Variants in GINS1 observed in about 807,000 individuals in gnomAD.
GINS1 encodes the protein GINS complex subunit 1.
A neutral mutation model predicts 34.9 loss-of-function variants in GINS1; 26 were observed. The observed-to-expected ratio is 0.74, with a 90% CI of 0.55 to 1.03. The LOEUF is 1.03. Ranked by LOEUF, GINS1 falls within the 50% of genes least tolerant of loss-of-function variation. GINS1 has a pLI of 0.00. For missense variants in GINS1, 235 were observed against 237.9 expected, an observed-to-expected ratio of 0.99 and a Z score of 0.08; for synonymous variants, 97 against 84.4, an observed-to-expected ratio of 1.15 and a Z score of -0.82.
intron 5 of GINS1, among the ~76,000 whole-genome samples, chr20:25,429,623 G>A (rs6115182): frequency 0.54 from 82,190 of 151,872 alleles, 22,805 homozygotes; most frequent in Admixed American, 0.61. Context: ...CAGATTGTTC[G>A]TTGTTAGTGT....
rs371320385 is a variant in GINS1 at position 25,408,478 on chromosome 20, ATAT to A, written c.75+587_75+589del. On this transcript the variant is annotated intron_variant, in intron 1 of 6. Transcript: ENST00000262460. ...TCTCCTGCTGCTGCTGTTACTATTA[ATAT>A]TATGATTATTTGTATTTTTCTATCA... 6.9e-3 allele frequency among the ~76,000 whole-genome samples: 1,054 copies of A among 152,262 alleles called. 4 individuals carry two copies. The highest frequency in any genetic ancestry group is 0.02 in the Middle Eastern group (6 of 294).
intron 5 of GINS1, among the ~76,000 whole-genome samples, chr20:25,427,594 T>C (rs2090398726): frequency 6.6e-6 from 1 of 152,224 alleles, no homozygotes; most frequent in African/African-American, 2.4e-5. Context: ...TTATTAGCTA[T>C]TCCTGTGTCT....
chr20:25,417,835 CAA>C (rs1009125578), intron 3 of GINS1, among the ~76,000 whole-genome samples: 4 of 152,008 alleles, frequency 2.6e-5, no homozygotes, highest in Non-Finnish European at 4.4e-5. Flanking sequence ...GGCTGGGTGA[CAA>C]GAGCAAAACT....
At chr20:25,432,870 TTATATAATAACATTATATATTAATA>T in intron 5 of GINS1, among the ~76,000 whole-genome samples, 1 of 148,476 alleles carries the variant, frequency 6.7e-6, no homozygotes, top group Non-Finnish European at 1.5e-5. Context: ...ATATATTAAC[TTATATAATAACATTATATATTAATA>T]TATATTCTAT....
At chr20:25,428,012 C>T (rs1425812802) in intron 5 of GINS1, among the ~76,000 whole-genome samples, 2 of 151,638 alleles carry the variant, frequency 1.3e-5, no homozygotes, top group Non-Finnish European at 2.9e-5. Flanking sequence ...GCTGGGATTA[C>T]AGGCATGCAC....
chr20:25,430,349 G>A (rs974069986), intron 5 of GINS1, among the ~76,000 whole-genome samples: 3 of 152,044 alleles, frequency 2.0e-5, no homozygotes, highest in Non-Finnish European at 4.4e-5. Flanking sequence ...TTTGTCAAAC[G>A]CTTTTTCTGT....
intron 5 of GINS1, among the ~76,000 whole-genome samples, chr20:25,429,430 A>G (rs977355616): frequency 1.3e-5 from 2 of 152,220 alleles, no homozygotes; most frequent in Non-Finnish European, 2.9e-5. Context: ...ACATCTTAAT[A>G]TTAAATCTTC....
intron 4 of GINS1, among the ~76,000 whole-genome samples, chr20:25,420,554 A>G (rs929400852): frequency 6.6e-6 from 1 of 152,116 alleles, no homozygotes; most frequent in East Asian, 1.9e-4. Context: ...CTTCTACCCC[A>G]GTGACCTCAT....
rs183366459 is a variant in GINS1 at position 25,410,070 on chromosome 20, G to C, written c.75+2175G>C. ...GAAGTTGTAGAATCAGGCCAGGAGT[G>C]GTGGCTCACGCCTGTAATCCCCCCA... On this transcript the variant is annotated intron_variant, in intron 1 of 6. Coordinates refer to ENST00000262460, the MANE Select transcript of GINS1 (RefSeq NM_021067.5). Among the ~76,000 whole-genome samples, 177 of 152,246 alleles carry C rather than the reference G, an allele frequency of 1.2e-3. 1 individual carries two copies. Among genetic ancestry groups the C allele is most frequent in the Non-Finnish European group, 3.4e-4 (23 of 68,018 alleles).
chr20:25,419,603 A>G, intron 4 of GINS1: 2 of 787,160 alleles, frequency 2.5e-6, no homozygotes, highest in Non-Finnish European at 3.3e-6. Flanking sequence ...TGAACAGAAC[A>G]TTATGTTTCT....
At chr20:25,434,792 G>A (rs1449930066) in intron 5 of GINS1, among the ~76,000 whole-genome samples, 1 of 152,158 alleles carries the variant, frequency 6.6e-6, no homozygotes, top group Admixed American at 6.5e-5. Context: ...AGATCAAAGT[G>A]CCAGCAGATT....
chr20:25,446,898 T>C lies in GINS1; in HGVS notation c.*907T>C, dbSNP rs936758016. The stretch of plus-strand genomic sequence containing the variant: ...TCCAGTTTATTCGTTTGTTCTTTTA[T>C]GCTTTGGGTGTTGCATCCGAGAAAT... On this transcript the variant is annotated 3_prime_UTR_variant, in exon 7 of 7. Transcript: ENST00000262460. The C allele has an allele frequency of 6.6e-6, 1 of 152,256 alleles. No individual in the cohort carries two copies. The highest frequency in any genetic ancestry group is 1.5e-5 in the Non-Finnish European group (1 of 68,048). 9.4% of individuals were successfully genotyped at this position (152,256 alleles called of 1,614,324 possible).
intron 5 of GINS1, among the ~76,000 whole-genome samples, chr20:25,438,202 G>A (rs964424201): frequency 5.3e-5 from 8 of 151,782 alleles, no homozygotes; most frequent in African/African-American, 1.7e-4. Flanking sequence ...AGCCATGAGT[G>A]TCCAGAGTCT....
chr20:25,430,534 A>C (rs1431185909), intron 5 of GINS1, among the ~76,000 whole-genome samples: 1 of 151,824 alleles, frequency 6.6e-6, no homozygotes, highest in East Asian at 1.9e-4. Context: ...TAATTTTTTT[A>C]ATTTTTATTT....
chr20:25,410,612 G>T (rs1301238816), intron 1 of GINS1, among the ~76,000 whole-genome samples: 1 of 151,910 alleles, frequency 6.6e-6, no homozygotes, highest in South Asian at 2.1e-4. Context: ...GCCCAGGCTG[G>T]AGTGCAATGG....
rs921521073 is a variant in GINS1 at position 25,409,015 on chromosome 20, A to G, written c.75+1120A>G. On this transcript the variant is annotated intron_variant, in intron 1 of 6. Transcript: ENST00000262460. ...GAGAAACACCAGTATGAGCTGGGGT[A>G]GAAGAGGTGATATATGAGCCTTTCC... The G allele has an allele frequency of 6.1e-6, 6 of 985,144 alleles. No homozygotes were observed. The African/African-American group carries it at 7.0e-5, about 11-fold the overall frequency. The allele number at this position is 985,144 out of a possible 1,614,324, so 61.0% of individuals were successfully genotyped here. A position where few individuals can be genotyped will look rare whatever the true frequency, so the allele number is the denominator to read the frequency against.
chr20:25,420,436 A>G (rs189179992), intron 4 of GINS1, among the ~76,000 whole-genome samples: 13 of 152,288 alleles, frequency 8.5e-5, no homozygotes, highest in Admixed American at 1.3e-4. Context: ...CTGGCCTTAT[A>G]TAAAATAATA....
rs1332066526 is a variant in GINS1 at position 25,447,982 on chromosome 20, T to C, written c.*1991T>C. ...CCGTCTCTACAAAAAATAGAAAAAA[T>C]TAGCCAGGTGTGGTGGTGCATGCCT... is the stretch of plus-strand genomic sequence containing the variant. On this transcript the variant is annotated 3_prime_UTR_variant, in exon 7 of 7. Transcript: ENST00000262460. 1 of 152,204 alleles carries C rather than the reference T, an allele frequency of 6.6e-6. No homozygotes were observed. The highest frequency in any genetic ancestry group is 1.5e-5 in the Non-Finnish European group (1 of 68,182). 9.4% of individuals were successfully genotyped at this position (152,204 alleles called of 1,614,324 possible). A position where few individuals can be genotyped will look rare whatever the true frequency, so the allele number is the denominator to read the frequency against.
At chr20:25,420,937 A>G (rs1451302913) in intron 4 of GINS1, 4 of 982,678 alleles carry the variant, frequency 4.1e-6, no homozygotes, top group Non-Finnish European at 4.8e-6. Context: ...GAGCAATTGC[A>G]TCGTGGCAAC....
Sources: gnomAD v4.1 joint callset for allele counts (sites outside exome capture counted in the v4.1 genomes callset) on GRCh38, gnomAD v4.1.1 for gene constraint, MANE v1.5 for transcripts, NCBI Gene and HGNC (gene_info 2026-07-23, HGNC 2026-07-21) for gene names.